Variants in PTCHD4 observed in about 807,000 individuals in gnomAD.
PTCHD4 encodes patched domain-containing protein 4.
In PTCHD4, 33 loss-of-function variants were observed where a neutral mutation model predicts 58.1. The ratio of observed to expected loss-of-function variants is 0.57; its 90% CI spans 0.43 to 0.76. The LOEUF is 0.76. PTCHD4 is among the 30% of genes least tolerant of loss of function. The pLI, the probability that PTCHD4 is intolerant of heterozygous loss-of-function variation, is 0.00. For synonymous variants in PTCHD4, 478 were observed against 409.6 expected (o/e 1.17, Z -2.02); for missense variants, 1,058 against 1,027.1 (o/e 1.03, Z -0.41).
intron 4 of PTCHD4, among the ~76,000 whole-genome samples, chr6:47,939,305 G>A (rs1766121456): frequency 6.6e-6 from 1 of 151,310 alleles, no homozygotes; most frequent in Non-Finnish European, 1.5e-5. Context: ...GGTCTGGAGA[G>A]GGGCCTGAGG....
intron 1 of PTCHD4, among the ~76,000 whole-genome samples, chr6:48,110,161 C>T (rs1001235780): frequency 2.6e-5 from 4 of 152,126 alleles, no homozygotes; most frequent in African/African-American, 7.2e-5. Context: ...TGTACTACCA[C>T]GCTTATTGCA....
intron 4 of PTCHD4, among the ~76,000 whole-genome samples, chr6:47,887,052 G>A (rs1764216252): frequency 6.6e-6 from 1 of 151,962 alleles, no homozygotes; most frequent in African/African-American, 2.4e-5. Flanking sequence ...TTAATTATTG[G>A]CTTATGGTAA....
chr6:47,896,805 A>G (rs1307494029), intron 4 of PTCHD4, among the ~76,000 whole-genome samples: 1 of 152,168 alleles, frequency 6.6e-6, no homozygotes, highest in East Asian at 1.9e-4. Flanking sequence ...CTCTCATTTA[A>G]TGGTTAAGAA....
intron 4 of PTCHD4, chr6:47,900,968 C>A (rs1343345972): frequency 6.6e-6 from 1 of 151,558 alleles, no homozygotes; most frequent in Non-Finnish European, 1.5e-5. Context: ...TCCTGGCTAA[C>A]AAGGTGAAAC....
rs1480944642 is a variant in PTCHD4 at position 47,865,949 on chromosome 6, C to A, written c.*12354G>T. 2.0e-5 allele frequency among the ~76,000 whole-genome samples: 3 copies of A among 151,874 alleles called. No homozygotes were observed. The highest frequency in any genetic ancestry group is 7.2e-5 in the African/African-American group (3 of 41,406). On this transcript the variant is annotated 3_prime_UTR_variant, in exon 5 of 5. Coordinates refer to ENST00000339488, the MANE Select transcript of PTCHD4 (RefSeq NM_001384253.1). ...TAAATTGAGTTCGTTGACCCAGGAA[C>A]ATATTCTGTGCTTTTGTTGCATGTT... is the stretch of plus-strand genomic sequence containing the variant.
rs149307048 is a variant in PTCHD4, at chr6:47,895,658, C to T, written c.899-15722G>A. On this transcript the variant is annotated intron_variant, in intron 4 of 4. Transcript: ENST00000339488. ...CTCTAACATATGTATCCTCCTTCCACGTGCCCAACAAGTACATAAGTTGCA... is the reference window on the plus strand; with the variant it reads ...CTCTAACATATGTATCCTCCTTCCATGTGCCCAACAAGTACATAAGTTGCA... 3.3e-3 allele frequency among the ~76,000 whole-genome samples: 499 copies of T among 152,252 alleles called. 4 individuals are homozygous for T. The highest frequency in any genetic ancestry group is 0.011 in the African/African-American group (466 of 41,546).
At chr6:47,944,905 C>T (rs1337270108) in intron 4 of PTCHD4, among the ~76,000 whole-genome samples, 1 of 152,028 alleles carries the variant, frequency 6.6e-6, no homozygotes, top group East Asian at 1.9e-4. Context: ...GTATGATATG[C>T]TAATGGGTGT....
intron 3 of PTCHD4, among the ~76,000 whole-genome samples, chr6:48,009,871 C>A (rs1280002520): frequency 6.6e-6 from 1 of 152,102 alleles, no homozygotes; most frequent in Non-Finnish European, 1.5e-5. Context: ...AAAGTCAATT[C>A]ATTTTCAGAG....
At chr6:48,060,933 C>A (rs1294739188) in intron 3 of PTCHD4, among the ~76,000 whole-genome samples, 1 of 152,218 alleles carries the variant, frequency 6.6e-6, no homozygotes. Context: ...AGGCACCTTT[C>A]AGAGGCCCTG....
chr6:47,995,307 G>A (rs1768445189), intron 4 of PTCHD4, among the ~76,000 whole-genome samples: 1 of 152,142 alleles, frequency 6.6e-6, no homozygotes, highest in Non-Finnish European at 1.5e-5. Context: ...AAGTTTCCAG[G>A]GAGCAATGGG....
At chr6:48,079,970 ATTTTTTTTTTTTTTT>A (rs141629864) in intron 1 of PTCHD4, among the ~76,000 whole-genome samples, 16 of 76,084 alleles carry the variant, frequency 2.1e-4, no homozygotes, top group Admixed American at 1.7e-3. Flanking sequence ...CCTTATGATG[ATTTTTTTTTTTTTTT>A]TTTTTTTTTT....
In PTCHD4 at chr6:47,872,451, C is replaced by A. The variant is rs972303441; in HGVS notation, c.*5852G>T. ...ACCATGCCATTAGCTGTTGGGAAAC[C>A]AGAGCTCAGCTACAAATGGCTTCTA... On this transcript the variant is annotated 3_prime_UTR_variant, in exon 5 of 5. Coordinates refer to ENST00000339488, the MANE Select transcript of PTCHD4 (RefSeq NM_001384253.1). 6.6e-6 allele frequency among the ~76,000 whole-genome samples: 1 copy of A among 151,578 alleles called. No individual in the cohort carries two copies. The highest frequency in any genetic ancestry group is 2.4e-5 in the African/African-American group (1 of 41,352).
intron 4 of PTCHD4, among the ~76,000 whole-genome samples, chr6:47,898,287 G>T (rs1764588356): frequency 6.6e-6 from 1 of 152,038 alleles, no homozygotes; most frequent in South Asian, 2.1e-4. Context: ...TCTAAAAACT[G>T]CATTTTAAAC....
chr6:48,092,000 C>G (rs1418169323), intron 1 of PTCHD4, among the ~76,000 whole-genome samples: 1 of 146,890 alleles, frequency 6.8e-6, no homozygotes, highest in East Asian at 1.9e-4. Context: ...CATACACACA[C>G]ACACATACAC....
At chr6:47,937,820 T>C (rs1280886621) in intron 4 of PTCHD4, among the ~76,000 whole-genome samples, 1 of 152,082 alleles carries the variant, frequency 6.6e-6, no homozygotes, top group African/African-American at 2.4e-5. Flanking sequence ...AGCAACTACA[T>C]TGGAATAAAA....
At chr6:48,044,362 A>G (rs1763958762) in intron 3 of PTCHD4, among the ~76,000 whole-genome samples, 1 of 151,820 alleles carries the variant, frequency 6.6e-6, no homozygotes, top group Non-Finnish European at 1.5e-5. Flanking sequence ...ACATTTGTCT[A>G]TTTTTTTCTT....
At chr6:48,098,489 C>T (rs1347803165) in intron 1 of PTCHD4, among the ~76,000 whole-genome samples, 2 of 152,056 alleles carry the variant, frequency 1.3e-5, no homozygotes, top group Non-Finnish European at 2.9e-5. Flanking sequence ...CAGGTGCTCA[C>T]CACCATGCCT....
chr6:47,921,459 T>G (rs1765429889), intron 4 of PTCHD4, among the ~76,000 whole-genome samples: 2 of 152,184 alleles, frequency 1.3e-5, no homozygotes, highest in South Asian at 4.1e-4. Context: ...ACCCCTAATT[T>G]TCAGCTGTGC....
intron 3 of PTCHD4, among the ~76,000 whole-genome samples, chr6:48,016,214 T>C (rs929147418): frequency 2.0e-5 from 3 of 151,800 alleles, no homozygotes; most frequent in Non-Finnish European, 2.9e-5. Context: ...AAAGCCAGCG[T>C]AAGATGCTCA....
Sources: allele counts gnomAD v4.1 joint callset (sites outside exome capture counted in the v4.1 genomes callset), GRCh38; gene constraint gnomAD v4.1.1; transcripts MANE v1.5; gene names NCBI Gene and HGNC (gene_info 2026-07-23, HGNC 2026-07-21).